The following MMD2 variants were observed in gnomAD, a reference collection of about 807,000 sequenced individuals.
The protein encoded by MMD2 is monocyte to macrophage differentiation associated 2.
A neutral mutation model predicts 33.5 loss-of-function variants in MMD2; 30 were observed. The observed-to-expected ratio is 0.90, with a 90% CI of 0.67 to 1.22. MMD2 has a LOEUF of 1.22. Among genes scored for constraint, MMD2 ranks in the 50% most tolerant of loss-of-function variants. MMD2 has a pLI of 0.00. For synonymous variants in MMD2, 129 were observed against 123.0 expected (o/e 1.05, Z -0.32); for missense variants, 364 against 325.4 (o/e 1.12, Z -0.91).
intron 1 of MMD2, among the ~76,000 whole-genome samples, chr7:4,932,388 T>C (rs1785611818): frequency 1.3e-5 from 2 of 152,108 alleles, no homozygotes; most frequent in African/African-American, 2.4e-5. Flanking sequence ...TAAGAAAAAG[T>C]GAATTCATAT....
At chr7:4,909,306 A>C (rs577079824) in intron 6 of MMD2, among the ~76,000 whole-genome samples, 4 of 151,842 alleles carry the variant, frequency 2.6e-5, no homozygotes, top group Admixed American at 2.6e-4. Flanking sequence ...ACATAGTGAG[A>C]CCCCATCTCT....
chr7:4,918,249 TTACAAAGC>T (rs2115100415), intron 3 of MMD2, among the ~76,000 whole-genome samples: 1 of 152,294 alleles, frequency 6.6e-6, no homozygotes, highest in South Asian at 2.1e-4. Flanking sequence ...GGATACTTGG[TTACAAAGC>T]AATCACTGAC....
chr7:4,895,560 G>A, the MMD2 span, among the ~76,000 whole-genome samples: 12 of 149,704 alleles, frequency 8.0e-5, no homozygotes, highest in East Asian at 2.0e-4. Flanking sequence ...TTTTTGAGAC[G>A]GAGTCTCGCT....
At chr7:4,905,641 C>T (rs1784853296), downstream of MMD2, among the ~76,000 whole-genome samples, 1 of 152,052 alleles carries the variant, frequency 6.6e-6, no homozygotes, top group African/African-American at 2.4e-5. The surrounding 1 kb of genome is among the most constrained non-coding windows in gnomAD (Gnocchi z 5.0). Context: ...CTAAACAACA[C>T]CCCAGAACCC....
Position 4,909,905 on chromosome 7 carries a change from G to C in MMD2, c.513C>G (p.Phe171Leu). The C allele has an allele frequency of 6.2e-7, 1 of 1,613,854 alleles. No individual in the cohort carries two copies. Among genetic ancestry groups the C allele is most frequent in the South Asian group, 1.1e-5 (1 of 91,052 alleles). ...CCATGGAGAGGATGACCAGGGCGGG[G>C]AAGAAGCCCATTACGACGTAGCAGA... ...ELLCYVVMGF[F>L]PALVILSMPN... Residue 171 changes from phenylalanine (F) to leucine (L), a missense_variant, in exon 6 of 7, where the codon TTC becomes TTG. Physicochemically the swap from Phe to Leu is conservative, Grantham distance 22 (BLOSUM62 0). Transcript: ENST00000401401.
At chr7:4,922,542 G>A (rs1008604887) in intron 2 of MMD2, among the ~76,000 whole-genome samples, 3 of 152,130 alleles carry the variant, frequency 2.0e-5, no homozygotes, top group African/African-American at 4.8e-5. Flanking sequence ...TTAGGCTGTA[G>A]ACTCCAATTA....
In MMD2 at chr7:4,920,182, C is replaced by A. The variant is rs746986574; in HGVS notation, c.279G>T (p.Lys93Asn). 3 of 1,562,912 alleles carry A rather than the reference C, an allele frequency of 1.9e-6. No individual in the cohort carries two copies. In the South Asian group the frequency reaches 3.5e-5, roughly 18 times the overall value. The change falls in exon 3 of 7, where the codon AAG becomes AAT. Residue 93 changes from lysine (K) to asparagine (N), a missense_variant. Transcript: ENST00000401401. ...TGGGCGGGAGGCACCTGAGGTGGCT[C>A]TTCTTCCAGGAGATGGTGTGAAACA... ...STVFHTISWK[K>N]SHLRMVEHCL...
the MMD2 span, among the ~76,000 whole-genome samples, chr7:4,895,199 C>G: frequency 2.6e-5 from 4 of 152,046 alleles, no homozygotes; most frequent in Admixed American, 2.6e-4. Context: ...GCCTCAGCCT[C>G]TTGAATAGCT....
At chr7:4,926,960 G>C (rs1468747214) in intron 1 of MMD2, among the ~76,000 whole-genome samples, 2 of 151,356 alleles carry the variant, frequency 1.3e-5, no homozygotes, top group East Asian at 4.0e-4. Context: ...TAGCCAGGAT[G>C]GTCTCGAATT....
chr7:4,898,106 A>G, the MMD2 span, among the ~76,000 whole-genome samples: 1 of 152,120 alleles, frequency 6.6e-6, no homozygotes, highest in Non-Finnish European at 1.5e-5. Flanking sequence ...CACGCTGCCC[A>G]CTGGGTCTCT....
intron 1 of MMD2, among the ~76,000 whole-genome samples, chr7:4,942,617 CTT>C (rs11342765): frequency 6.9e-5 from 10 of 144,230 alleles, no homozygotes; most frequent in Non-Finnish European, 9.1e-5. Context: ...GTCTATACCT[CTT>C]TTTTTTTTTT....
chr7:4,954,440 C>T (rs540178454), intron 1 of MMD2, among the ~76,000 whole-genome samples: 5 of 151,028 alleles, frequency 3.3e-5, no homozygotes, highest in East Asian at 3.9e-4. Flanking sequence ...TTTTTTGAGA[C>T]GGGGTCTCCC....
intron 1 of MMD2, among the ~76,000 whole-genome samples, chr7:4,938,002 C>CTTTTTTTTTTTTTTTTTTTTTTT (rs1165504272): frequency 4.4e-5 from 2 of 45,646 alleles, no homozygotes; most frequent in East Asian, 8.8e-4. Flanking sequence ...TTCTTTCTTT[C>CTTTTTTTTTTTTTTTTTTTTTTT]TTTTTTTTTT....
the MMD2 span, among the ~76,000 whole-genome samples, chr7:4,896,802 C>A: frequency 6.6e-6 from 1 of 151,984 alleles, no homozygotes; most frequent in African/African-American, 2.4e-5. Flanking sequence ...TTACTCCACC[C>A]CCATTTATAT....
In MMD2 at chr7:4,916,022, C is replaced by T. The variant is rs77102443; in HGVS notation, c.348G>A (p.Ala116=). The part of the protein sequence containing the change: ...FDRMVIYFFI[A]ASYAPWLNLR... ...GTACTCACCAGGGTGCGTAGGAAGC[C>T]GCTATGAAGAAATAGATGACCATCC... Residue 116 remains alanine (A), a synonymous_variant, in exon 4 of 7, where the codon GCG becomes GCA. Transcript: ENST00000401401. The T allele has an allele frequency of 5.4e-3, 8,734 of 1,613,808 alleles. 476 individuals carry two copies. The East Asian group carries it at 0.14, about 25-fold the overall frequency.
intron 1 of MMD2, among the ~76,000 whole-genome samples, chr7:4,941,387 T>C (rs1785904864): frequency 6.6e-6 from 1 of 152,134 alleles, no homozygotes; most frequent in Non-Finnish European, 1.5e-5. Flanking sequence ...CCCAGCACTT[T>C]GGGAGGCCGA....
chr7:4,947,549 AGGCC>A (rs1786122977), intron 1 of MMD2, among the ~76,000 whole-genome samples: 1 of 140,700 alleles, frequency 7.1e-6, no homozygotes, highest in African/African-American at 2.7e-5. Flanking sequence ...GCATGCCTCC[AGGCC>A]CAGCTACTTT....
chr7:4,944,486 G>A, intron 1 of MMD2, among the ~76,000 whole-genome samples: 1 of 152,162 alleles, frequency 6.6e-6, no homozygotes, highest in East Asian at 1.9e-4. Flanking sequence ...AGGCTCCGGA[G>A]TGGCCGATGC....
intron 1 of MMD2, among the ~76,000 whole-genome samples, chr7:4,930,217 C>A (rs1785539009): frequency 7.4e-6 from 1 of 135,260 alleles, no homozygotes; most frequent in Non-Finnish European, 1.5e-5. Context: ...TGCAGTGAGC[C>A]AAGATCACGC....
Sources: gnomAD v4.1 joint callset for allele counts (sites outside exome capture counted in the v4.1 genomes callset) on GRCh38, gnomAD v4.1.1 for gene constraint, Gnocchi (gnomAD v3.1) non-coding constraint, MANE v1.5 for transcripts, NCBI Gene and HGNC (gene_info 2026-07-23, HGNC 2026-07-21) for gene names.